Variants in PDGFRA observed in about 807,000 individuals in gnomAD.
PDGFRA encodes platelet derived growth factor receptor alpha, also known as platelet-derived growth factor receptor alpha.
PDGFRA carries 25 observed loss-of-function variants against 121.5 expected under a neutral mutation model. The observed-to-expected ratio is 0.21, with a 90% CI of 0.15 to 0.29. The LOEUF (loss-of-function observed/expected upper bound fraction) is 0.29. PDGFRA is among the 10% of genes least tolerant of loss of function. The pLI is 1.00. For missense variants in PDGFRA, 1,008 were observed against 1,345.1 expected (o/e 0.75, Z 3.92); for synonymous variants, 463 against 494.8 (o/e 0.94, Z 0.85).
At chr4:54,254,371 C>A (rs1722233148) in intron 1 of PDGFRA, among the ~76,000 whole-genome samples, 1 of 152,194 alleles carries the variant, frequency 6.6e-6, no homozygotes, top group African/African-American at 2.4e-5. Context: ...CATGTTGATT[C>A]TCAGTATTTG....
chr4:54,273,472 G>A (rs771003872), intron 9 of PDGFRA, 65 bp from the exon 10 acceptor site: 93 of 1,279,012 alleles, frequency 7.3e-5, no homozygotes, highest in Admixed American at 1.3e-4. Context: ...GAGTGTTCCC[G>A]TGGCTCCACT....
At chr4:54,280,554 A>G (rs781677381) in intron 16 of PDGFRA, 72 bp downstream of exon 16, 165 of 1,286,134 alleles carry the variant, frequency 1.3e-4, no homozygotes, top group Non-Finnish European at 1.8e-4. Flanking sequence ...AAGTATTTAG[A>G]GGGAAGTGTA....
At position 54,288,881 on chromosome 4, in the gene PDGFRA, C is replaced by G. The variant is rs1189646004; in HGVS notation, c.2757C>G (p.Asp919Glu). The change falls in exon 20 of 23, where the codon GAC becomes GAG. Residue 919 changes from aspartate to glutamate, a missense_variant. By Grantham distance (45) the Asp-to-Glu change is conservative (BLOSUM62 2). This residue lies in a region of PDGFRA where 204 missense variants were observed against 243.0 expected (regional missense o/e 0.84). Coordinates refer to ENST00000257290, the MANE Select transcript of PDGFRA (RefSeq NM_006206.6). The part of the protein sequence containing the change: ...IKSGYRMAKP[D>E]HATSEVYEIM... The stretch of plus-strand genomic sequence containing the variant: ...GTGGGTACCGGATGGCCAAGCCTGA[C>G]CACGCTACCAGTGAAGTGTGAGCTC... 6.2e-7 allele frequency: 1 copy of G among 1,607,878 alleles called. No homozygotes were observed. The highest frequency in any genetic ancestry group is 8.5e-7 in the Non-Finnish European group (1 of 1,174,264).
chr4:54,249,941 A>T (rs1486852253), intron 1 of PDGFRA, among the ~76,000 whole-genome samples: 1 of 152,288 alleles, frequency 6.6e-6, no homozygotes, highest in East Asian at 1.9e-4. Flanking sequence ...TAAAAGGTTT[A>T]TGAGAATCTT....
chr4:54,281,618 C>T (rs867497248), intron 16 of PDGFRA: 1 of 1,357,204 alleles, frequency 7.4e-7, no homozygotes, highest in East Asian at 3.6e-5. Flanking sequence ...GTCAGAGGAA[C>T]CTGAGTCATG....
rs2412559 is a variant in PDGFRA, at chr4:54,285,544, C to A, written c.2439+58C>A. 0.99 allele frequency: 815,126 copies of A among 825,408 alleles called. 403,041 individuals are homozygous for A. Among genetic ancestry groups the A allele is most frequent in the East Asian group, 1 (41,321 of 41,324 alleles). 51.1% of individuals were successfully genotyped at this position (825,408 alleles called of 1,614,324 possible). A position where few individuals can be genotyped will look rare whatever the true frequency, so the allele number is the denominator to read the frequency against. On this transcript the variant is annotated intron_variant, in intron 17 of 22. Coordinates refer to ENST00000257290, the MANE Select transcript of PDGFRA (RefSeq NM_006206.6). ...CAGATTTCAGTGAGTGGAGTGTGGA[C>A]GGAGATGCTAGGAGATAGATGTTGG... is the stretch of plus-strand genomic sequence containing the variant.
rs1467315284 is a variant in PDGFRA, at chr4:54,270,700, C to G, written c.1189C>G (p.Gln397Glu). 3 of 1,611,370 alleles carry G rather than the reference C, an allele frequency of 1.9e-6. No individual in the cohort carries two copies. In the South Asian group the frequency reaches 3.3e-5, roughly 18 times the overall value. ...CAGTGGCCATTATACTATTGTAGCT[C>G]AAAATGAAGATGCTGTGAAGAGCTA... ...EDSGHYTIVA[Q>E]NEDAVKSYTF... is the part of the protein sequence containing the mutation. Residue 397 changes from glutamine (Q) to glutamate (E), a missense_variant, in exon 8 of 23, where the codon CAA becomes GAA. This residue lies in a region of PDGFRA where 575 missense variants were observed against 701.8 expected (regional missense o/e 0.82). Coordinates refer to ENST00000257290, the MANE Select transcript of PDGFRA (RefSeq NM_006206.6).
chr4:54,244,857 A>G (rs1463027298), intron 1 of PDGFRA, among the ~76,000 whole-genome samples: 1 of 152,222 alleles, frequency 6.6e-6, no homozygotes, highest in Non-Finnish European at 1.5e-5. Flanking sequence ...AATAACCAAT[A>G]CAGAGAAGTG....
At chr4:54,273,124 C>T (rs1429560144) in intron 9 of PDGFRA, among the ~76,000 whole-genome samples, 6 of 152,150 alleles carry the variant, frequency 3.9e-5, no homozygotes, top group East Asian at 1.9e-4. Context: ...TGAGGATCAT[C>T]GCAACCCTAG....
intron 1 of PDGFRA, among the ~76,000 whole-genome samples, chr4:54,250,226 G>A (rs756677683): frequency 6.6e-6 from 1 of 152,138 alleles, no homozygotes; most frequent in Non-Finnish European, 1.5e-5. Flanking sequence ...TGAAATCTTT[G>A]AGTTATCATT....
chr4:54,287,643 C>T, intron 19 of PDGFRA, 102 bp downstream of exon 19: 4 of 753,272 alleles, frequency 5.3e-6, no homozygotes, highest in Non-Finnish European at 9.8e-6. Context: ...TTAAGATAAC[C>T]TGGTGTGAGG....
At chr4:54,288,283 G>A (rs2110343185) in intron 19 of PDGFRA, among the ~76,000 whole-genome samples, 1 of 152,170 alleles carries the variant, frequency 6.6e-6, no homozygotes, top group East Asian at 1.9e-4. Flanking sequence ...GGATGTAATA[G>A]TAAAGTGTGT....
At chr4:54,259,386 T>C (rs1722561255) in intron 2 of PDGFRA, among the ~76,000 whole-genome samples, 1 of 152,206 alleles carries the variant, frequency 6.6e-6, no homozygotes, top group South Asian at 2.1e-4. Context: ...AAATCATAAC[T>C]CTCTTGAGGA....
rs1426799085 is a variant in PDGFRA at position 54,263,824 on chromosome 4, A to G, written c.525A>G (p.Arg175=). ...EGVVPASYDS[R]QGFNGTFTVG... ...TGGTACCTGCCTCCTACGACAGCAG[A>G]CAGGGCTTTAATGGGACCTTCACTG... Residue 175 remains arginine (R), a synonymous_variant, in exon 4 of 23, where the codon AGA becomes AGG. Coordinates refer to ENST00000257290, the MANE Select transcript of PDGFRA (RefSeq NM_006206.6). 1.2e-6 allele frequency: 2 copies of G among 1,614,082 alleles called. No individual in the cohort carries two copies. Among genetic ancestry groups the G allele is most frequent in the Non-Finnish European group, 1.7e-6 (2 of 1,179,980 alleles).
chr4:54,250,569 A>G (rs1467242796), intron 1 of PDGFRA, among the ~76,000 whole-genome samples: 1 of 152,230 alleles, frequency 6.6e-6, no homozygotes, highest in African/African-American at 2.4e-5. Context: ...ATTATCAGTC[A>G]TAATTATAGT....
rs878854830 is a variant in PDGFRA, at chr4:54,263,854, G to T, written c.555G>T (p.Gly185=). ...RQGFNGTFTV[G]PYICEATVKG... ...GCTTTAATGGGACCTTCACTGTAGG[G>T]CCCTATATCTGTGAGGCCACCGTCA... The change falls in exon 4 of 23, where the codon GGG becomes GGT. Residue 185 remains glycine, a synonymous_variant. Coordinates refer to ENST00000257290, the MANE Select transcript of PDGFRA (RefSeq NM_006206.6). The T allele has an allele frequency of 1.2e-6, 2 of 1,613,050 alleles. No individual in the cohort carries two copies. The highest frequency in any genetic ancestry group is 2.7e-5 in the African/African-American group (2 of 74,988).
chr4:54,293,462 G>A (rs1442330520), intron 22 of PDGFRA, among the ~76,000 whole-genome samples: 8 of 124,990 alleles, frequency 6.4e-5, no homozygotes, highest in Admixed American at 1.1e-4. Flanking sequence ...ATGGAGTCTC[G>A]CTCTGTCACC....
Position 54,295,418 on chromosome 4 carries a change from C to A in PDGFRA, c.*146C>A. On this transcript the variant is annotated 3_prime_UTR_variant, in exon 23 of 23. Transcript: ENST00000257290. ...CCAGCCAAGGGCCTCGGGGAGCGTT[C>A]TAAATATGAATGAATGGGATATTTT... The A allele has an allele frequency of 1.4e-6, 1 of 727,554 alleles. No individual in the cohort carries two copies. Among genetic ancestry groups the A allele is most frequent in the Non-Finnish European group, 2.4e-6 (1 of 425,108 alleles). The allele number at this position is 727,554 out of a possible 1,614,324, so 45.1% of individuals were successfully genotyped here. A position where few individuals can be genotyped will look rare whatever the true frequency, so the allele number is the denominator to read the frequency against.
chr4:54,278,878 C>T (rs1312337921), intron 15 of PDGFRA: 4 of 476,220 alleles, frequency 8.4e-6, no homozygotes, highest in Admixed American at 2.3e-5. Context: ...GATCTCCAAG[C>T]TCGAGGTCCT....
Sources: gnomAD v4.1 joint callset for allele counts (sites outside exome capture counted in the v4.1 genomes callset) on GRCh38, gnomAD v4.1.1 for gene constraint, gnomAD v4.1.1 regional missense constraint, MANE v1.5 for transcripts, NCBI Gene and HGNC (gene_info 2026-07-23, HGNC 2026-07-21) for gene names.